The following SAP130 variants were observed in gnomAD, a reference collection of about 807,000 sequenced individuals.
The protein encoded by SAP130 is Sin3A associated protein 130, also known as histone deacetylase complex subunit SAP130.
In SAP130, 16 loss-of-function variants were observed where a neutral mutation model predicts 103.2. The ratio of observed to expected loss-of-function variants is 0.16; its 90% CI spans 0.10 to 0.24. SAP130 has a LOEUF of 0.24. Ranked by LOEUF, SAP130 falls within the 10% of genes least tolerant of loss-of-function variation. The pLI is 1.00. For missense variants in SAP130, 990 were observed against 1,359.7 expected (o/e 0.73, Z 4.28); for synonymous variants, 477 against 497.0 (o/e 0.96, Z 0.53).
At position 127,941,855 on chromosome 2, in the gene SAP130, C is replaced by G. The variant is rs1396456546; in HGVS notation, c.*151G>C. ...CAGTCAGCTCTGATCCTTTCACGCC[C>G]TTGGATGTCATGGGTTCCTCTGCTT... On this transcript the variant is annotated 3_prime_UTR_variant, in exon 21 of 21. Coordinates refer to ENST00000643581, the MANE Select transcript of SAP130 (RefSeq NM_001330301.2). 1.4e-6 allele frequency: 1 copy of G among 723,042 alleles called. No homozygotes were observed. Among genetic ancestry groups the G allele is most frequent in the Non-Finnish European group, 2.3e-6 (1 of 435,514 alleles). The allele number at this position is 723,042 out of a possible 1,614,324, so 44.8% of individuals were successfully genotyped here. A position where few individuals can be genotyped will look rare whatever the true frequency, so the allele number is the denominator to read the frequency against.
chr2:128,006,076 T>C (rs538570714), intron 7 of SAP130, among the ~76,000 whole-genome samples: 36 of 151,868 alleles, frequency 2.4e-4, no homozygotes, highest in Admixed American at 2.2e-3. Flanking sequence ...ACTAAGGCCT[T>C]TGTAAGCGGT....
intron 5 of SAP130, 132 bp downstream of exon 5, chr2:128,014,671 T>C (rs1231790172): frequency 3.0e-6 from 2 of 669,250 alleles, no homozygotes; most frequent in African/African-American, 3.6e-5. Context: ...GTTTATTTGG[T>C]TCACGGTTCT....
intron 15 of SAP130, among the ~76,000 whole-genome samples, chr2:127,976,007 G>A (rs1404070891): frequency 6.6e-6 from 1 of 152,098 alleles, no homozygotes; most frequent in East Asian, 1.9e-4. Context: ...ACCATGCCCG[G>A]CTAATTTTTT....
In SAP130 at chr2:128,017,736, G is replaced by A. The variant is rs1018467612; in HGVS notation, c.292C>T (p.Pro98Ser). The A allele has an allele frequency of 1.9e-6, 3 of 1,614,200 alleles. No individual in the cohort carries two copies. Among genetic ancestry groups the A allele is most frequent in the Non-Finnish European group, 1.7e-6 (2 of 1,180,032 alleles). ...ASATPVAVTA[P>S]PAHLTPAVPL... The stretch of plus-strand genomic sequence containing the variant: ...ACTGCTGGCGTCAGGTGTGCTGGCG[G>A]GGCTGTCACTGCAACAGGTGTGGCT... Residue 98 changes from proline to serine, a missense_variant, in exon 3 of 21, where the codon CCG (proline) becomes TCG (serine). Physicochemically the swap from Pro to Ser is moderately conservative, Grantham distance 74. Coordinates refer to ENST00000643581, the MANE Select transcript of SAP130 (RefSeq NM_001330301.2).
chr2:128,010,477 G>A, intron 6 of SAP130, 84 bp from the exon 7 acceptor site: 2 of 1,304,182 alleles, frequency 1.5e-6, no homozygotes, highest in Non-Finnish European at 2.1e-6. Flanking sequence ...TGAAACTTGA[G>A]CCTACAGATA....
chr2:127,950,459 A>C (rs1679423914), intron 16 of SAP130, 51 bp from the exon 17 acceptor site: 1 of 1,599,956 alleles, frequency 6.3e-7, no homozygotes, highest in Non-Finnish European at 8.5e-7. Context: ...AAGATAACAG[A>C]AAGTTTCACT....
chr2:128,027,449 G>A, intron 1 of SAP130: 1 of 1,106,122 alleles, frequency 9.0e-7, no homozygotes, highest in Middle Eastern at 3.9e-4. Context: ...GCCTGGCCGG[G>A]GCAGCCCAAA....
At chr2:127,966,907 A>G (rs944257322) in intron 15 of SAP130, among the ~76,000 whole-genome samples, 7 of 152,182 alleles carry the variant, frequency 4.6e-5, no homozygotes, top group Admixed American at 3.9e-4. Flanking sequence ...TTCTAAATTC[A>G]TATCAATCTA....
rs751378904 is a variant in SAP130 at position 127,989,892 on chromosome 2, T to C, written c.1478-26A>G. The C allele has an allele frequency of 6.3e-7, 1 of 1,599,358 alleles. No homozygotes were observed. Among genetic ancestry groups the C allele is most frequent in the East Asian group, 2.2e-5 (1 of 44,756 alleles). On this transcript the variant is annotated intron_variant, in intron 12 of 20. Transcript: ENST00000643581. The surrounding 1 kb of genome is among the most constrained non-coding windows in gnomAD (Gnocchi z 4.6). ...CTAAAAATGATGCGAAAGGTAACTA[T>C]AAGAAGGTTAGCTTCATTTCACACA...
In SAP130 at chr2:127,986,640, T is replaced by C. The variant is rs1414126892; in HGVS notation, c.1958+145A>G. On this transcript the variant is annotated intron_variant, in intron 14 of 20. Transcript: ENST00000643581. This position sits in a 1 kb window ranked among gnomAD's most constrained non-coding sequence, Gnocchi z 4.7. ...GGTAAGGCTCTACTGAATAATCCTGTGGTCAAGTTGTTTTGGAGGAAATTT... is the reference window on the plus strand; with the variant it reads ...GGTAAGGCTCTACTGAATAATCCTGCGGTCAAGTTGTTTTGGAGGAAATTT... 8.6e-6 allele frequency: 7 copies of C among 809,676 alleles called. No homozygotes were observed. In the Admixed American group the frequency reaches 1.0e-4, roughly 12 times the overall value. The allele number at this position is 809,676 out of a possible 1,614,324, so 50.2% of individuals were successfully genotyped here.
intron 16 of SAP130, among the ~76,000 whole-genome samples, chr2:127,952,881 G>C (rs959392270): frequency 4.6e-5 from 7 of 152,040 alleles, no homozygotes; most frequent in African/African-American, 1.2e-4. Context: ...CCTAAGACTA[G>C]ATCATGGACT....
chr2:127,987,071 A>G, intron 13 of SAP130, 109 bp from the exon 14 acceptor site: 1 of 974,030 alleles, frequency 1.0e-6, no homozygotes, highest in Non-Finnish European at 1.5e-6. Flanking sequence ...CCATGTTCTA[A>G]CTGTCCAATT....
intron 7 of SAP130, among the ~76,000 whole-genome samples, chr2:128,001,287 C>A (rs539496463): frequency 1.3e-5 from 2 of 152,192 alleles, no homozygotes; most frequent in African/African-American, 4.8e-5. Flanking sequence ...CACCAGTAAT[C>A]CCAGCAGGAG....
intron 14 of SAP130, among the ~76,000 whole-genome samples, chr2:127,983,823 GTTTT>G (rs879920789): frequency 3.7e-4 from 29 of 79,296 alleles, no homozygotes; most frequent in African/African-American, 1.4e-3. Context: ...TTACTTTGTT[GTTTT>G]TTTTTTTTTT....
chr2:128,010,229 G>C, intron 7 of SAP130, 40 bp downstream of exon 7: 2 of 1,577,986 alleles, frequency 1.3e-6, no homozygotes, highest in Non-Finnish European at 1.7e-6. Context: ...GAAGGAGGAG[G>C]ATGGCAGGAA....
chr2:127,941,657 T>C lies in SAP130; in HGVS notation c.*349A>G, dbSNP rs1234088430. 3 of 257,018 alleles carry C rather than the reference T, an allele frequency of 1.2e-5. No individual in the cohort carries two copies. Among genetic ancestry groups the C allele is most frequent in the East Asian group, 1.3e-4 (1 of 7,574 alleles). 15.9% of individuals were successfully genotyped at this position (257,018 alleles called of 1,614,324 possible). A position where few individuals can be genotyped will look rare whatever the true frequency, so the allele number is the denominator to read the frequency against. On this transcript the variant is annotated 3_prime_UTR_variant, in exon 21 of 21. Transcript: ENST00000643581. ...TTCAGTCCAGGCTCAGTATGGGGCCTGCAGGAATCCACTAGATAAATACAG... is the reference window on the plus strand; with the variant it reads ...TTCAGTCCAGGCTCAGTATGGGGCCCGCAGGAATCCACTAGATAAATACAG...
chr2:127,958,529 A>G (rs893907882), intron 15 of SAP130, among the ~76,000 whole-genome samples: 3 of 152,232 alleles, frequency 2.0e-5, no homozygotes, highest in South Asian at 2.1e-4. Flanking sequence ...CTCAAAAATC[A>G]TATCTGGGTT....
At position 127,986,883 on chromosome 2, in the gene SAP130, G is replaced by A. The variant is rs3732196; in HGVS notation, c.1860C>T (p.Thr620=). Residue 620 remains threonine (T), a synonymous_variant, in exon 14 of 21, where the codon ACC becomes ACT. Transcript: ENST00000643581. This position sits in a 1 kb window ranked among gnomAD's most constrained non-coding sequence, Gnocchi z 4.7. Reference sequence around the variant, plus strand: ...CACTCTGGCTGTGGGTCTGCACCACGGTTGTTGCTGCTGGAGCAGCACTGA... The same window carrying A: ...CACTCTGGCTGTGGGTCTGCACCACAGTTGTTGCTGCTGGAGCAGCACTGA... The part of the protein sequence containing the change: ...NPFSAAPAAT[T]VVQTHSQSAS... 16,457 of 1,614,222 alleles carry A rather than the reference G, an allele frequency of 0.01. 813 individuals are homozygous for A. The East Asian group carries it at 0.15, about 15-fold the overall frequency.
At chr2:128,010,953 A>G (rs1201907054) in intron 6 of SAP130, among the ~76,000 whole-genome samples, 1 of 149,614 alleles carries the variant, frequency 6.7e-6, no homozygotes, top group African/African-American at 2.4e-5. Context: ...AGTGTTTTGA[A>G]AAAAAAAAAA....
Sources: allele counts gnomAD v4.1 joint callset (sites outside exome capture counted in the v4.1 genomes callset), GRCh38; gene constraint gnomAD v4.1.1; non-coding constraint Gnocchi (gnomAD v3.1); transcripts MANE v1.5; gene names NCBI Gene and HGNC (gene_info 2026-07-23, HGNC 2026-07-21).